BPIFC: variants seen among roughly 807,000 people sequenced by gnomAD.
BPIFC encodes BPI fold-containing family C protein.
In BPIFC, 60 loss-of-function variants were observed where a neutral mutation model predicts 57.6. The ratio of observed to expected loss-of-function variants is 1.04; its 90% CI spans 0.85 to 1.29. BPIFC has a LOEUF of 1.29. Among genes scored for constraint, BPIFC ranks in the 50% most tolerant of loss-of-function variants. The pLI is 0.00. For synonymous variants in BPIFC, 243 were observed against 224.5 expected, an observed-to-expected ratio of 1.08 and a Z score of -0.74; for missense variants, 581 against 600.5, an observed-to-expected ratio of 0.97 and a Z score of 0.34.
At chr22:32,449,685 T>C (rs1273482413) in intron 4 of BPIFC, among the ~76,000 whole-genome samples, 1 of 152,142 alleles carries the variant, frequency 6.6e-6, no homozygotes, top group Non-Finnish European at 1.5e-5. Context: ...CTGTATTATA[T>C]ACAATGTCAC....
At chr22:32,433,609 A>G in intron 11 of BPIFC, 110 bp downstream of exon 11, 1 of 933,566 alleles carries the variant, frequency 1.1e-6, no homozygotes, top group Non-Finnish European at 1.7e-6. Context: ...AACTCCCAAT[A>G]ATAGACAGAG....
intron 11 of BPIFC, among the ~76,000 whole-genome samples, chr22:32,432,794 C>T (rs1225697311): frequency 2.6e-5 from 4 of 152,134 alleles, no homozygotes; most frequent in African/African-American, 9.7e-5. Flanking sequence ...TTCAGAAAAT[C>T]CCTGTGAGGC....
rs1933606653 is a variant in BPIFC, at chr22:32,414,318, C to T, written c.1509G>A (p.Gly503=). Residue 503 remains glycine, a synonymous_variant, in exon 17 of 17, where the codon GGG becomes GGA. Transcript: ENST00000300399. The part of the protein sequence containing the change: ...GLNLISRQWR[G]KSAP ...AAACCGGCAATCAAGGGGCTGACTTCCCCCTCCACTGTCTGCTTATCAGGT... is the reference window on the plus strand; with the variant it reads ...AAACCGGCAATCAAGGGGCTGACTTTCCCCTCCACTGTCTGCTTATCAGGT... The T allele has an allele frequency of 1.2e-6, 2 of 1,613,506 alleles. No homozygotes were observed. The highest frequency in any genetic ancestry group is 8.5e-7 in the Non-Finnish European group (1 of 1,179,718).
intron 5 of BPIFC, 73 bp downstream of exon 5, chr22:32,447,139 G>C: frequency 4.9e-6 from 7 of 1,431,222 alleles, no homozygotes; most frequent in East Asian, 2.5e-5. Context: ...AAAAACATTG[G>C]TGAATTTCTA....
intron 15 of BPIFC, 67 bp downstream of exon 15, chr22:32,417,018 T>C (rs546232238): frequency 1.6e-6 from 2 of 1,285,290 alleles, no homozygotes; most frequent in South Asian, 2.4e-5. Context: ...CAATCCCCAG[T>C]GCAGCCGATG....
rs79223206 is a variant in BPIFC at position 32,447,337 on chromosome 22, T to A, written c.249A>T (p.Ile83=). 8.1e-6 allele frequency: 13 copies of A among 1,612,106 alleles called. No homozygotes were observed. The highest frequency in any genetic ancestry group is 1.1e-5 in the Non-Finnish European group (13 of 1,179,440). The stretch of plus-strand genomic sequence containing the variant: ...TTGGAAATGAAAAGGCACTGATTTT[T>A]ATACTGTAAAACCAGAAACAAGAAG... The part of the protein sequence containing the change: ...VDYVNYNFSN[I]KISAFSFPNT... Residue 83 remains isoleucine, a synonymous_variant, in exon 5 of 17, where the codon ATA becomes ATT. Coordinates refer to ENST00000300399, the MANE Select transcript of BPIFC (RefSeq NM_174932.3).
intron 8 of BPIFC, among the ~76,000 whole-genome samples, chr22:32,438,351 C>T (rs1934469382): frequency 6.6e-6 from 1 of 152,192 alleles, no homozygotes; most frequent in South Asian, 2.1e-4. Context: ...TTTAGGTATA[C>T]ACACATACAA....
chr22:32,442,990 C>T (rs563897961), intron 7 of BPIFC, among the ~76,000 whole-genome samples: 102 of 152,218 alleles, frequency 6.7e-4, no homozygotes, highest in African/African-American at 2.3e-3. Flanking sequence ...TGAGTGAGCC[C>T]TTGTCGTTTC....
At position 32,433,730 on chromosome 22, in the gene BPIFC, C is replaced by CGT; in HGVS notation, c.965_966dup (p.Val323ThrfsTer18). On this transcript the variant is annotated frameshift_variant, in exon 11 of 17. Transcript: ENST00000300399. LOFTEE classifies it high-confidence loss of function. ...CCCTGAGCACTTACCCGGGAGAGCA[C>CGT]GTTGCCAAGGCCTTGAGAGTTTTGA... 1 of 1,613,852 alleles carries CGT rather than the reference C, an allele frequency of 6.2e-7. No individual in the cohort carries two copies. Among genetic ancestry groups the CGT allele is most frequent in the Admixed American group, 1.7e-5 (1 of 60,008 alleles).
chr22:32,456,078 A>C (rs981643978), intron 3 of BPIFC, among the ~76,000 whole-genome samples: 1 of 152,248 alleles, frequency 6.6e-6, no homozygotes, highest in African/African-American at 2.4e-5. Context: ...ATTTACAGCC[A>C]TGTGGATAGA....
In BPIFC at chr22:32,448,074, C is replaced by CT. The variant is rs752136687; in HGVS notation, c.246-735dup. Among the ~76,000 whole-genome samples, 572 of 143,016 alleles carry CT rather than the reference C, an allele frequency of 4.0e-3. 7 individuals are homozygous for CT. In the South Asian group the frequency reaches 0.042, roughly 10 times the overall value. 93.8% of individuals were successfully genotyped at this position (143,016 alleles called of 152,430 possible). A position where few individuals can be genotyped will look rare whatever the true frequency, so the allele number is the denominator to read the frequency against. ...GGCCCAGCTATTTTTTTTCTTTTTTCTTTTTTTTTTTTGAGACAGAGTCTC... is the reference window on the plus strand; with the variant it reads ...GGCCCAGCTATTTTTTTTCTTTTTTCTTTTTTTTTTTTTGAGACAGAGTCTC... On this transcript the variant is annotated intron_variant, in intron 4 of 16. Coordinates refer to ENST00000300399, the MANE Select transcript of BPIFC (RefSeq NM_174932.3).
At chr22:32,436,001 G>T in intron 9 of BPIFC, 121 bp from the exon 10 acceptor site, 1 of 1,104,744 alleles carries the variant, frequency 9.1e-7, no homozygotes, top group Non-Finnish European at 1.3e-6. Flanking sequence ...CAGGTGTGGT[G>T]GCTCACGCCT....
intron 7 of BPIFC, among the ~76,000 whole-genome samples, chr22:32,444,194 G>A (rs1374951916): frequency 1.3e-5 from 2 of 152,288 alleles, no homozygotes; most frequent in Non-Finnish European, 1.5e-5. Flanking sequence ...GTTTCAAACA[G>A]GGGAATGATC....
At chr22:32,427,040 C>T (rs1017032118) in intron 13 of BPIFC, among the ~76,000 whole-genome samples, 6 of 152,266 alleles carry the variant, frequency 3.9e-5, no homozygotes, top group Middle Eastern at 3.4e-3. Context: ...GTCTGCCCAG[C>T]GGAGAATTTC....
rs752375648 is a variant in BPIFC, at chr22:32,417,130, T to C, written c.1279A>G (p.Ile427Val). The C allele has an allele frequency of 1.2e-6, 2 of 1,606,248 alleles. No homozygotes were observed. The highest frequency in any genetic ancestry group is 1.7e-6 in the Non-Finnish European group (2 of 1,173,636). The change falls in exon 15 of 17, where the codon ATT becomes GTT. Residue 427 changes from isoleucine to valine, a missense_variant. Coordinates refer to ENST00000300399, the MANE Select transcript of BPIFC (RefSeq NM_174932.3). ...CCAAAGTGAAGAATGGACGATAGAA[T>C]ATTTTCAAACCTCAAGACCTAAAAT... ...SNIEVLRFEN[I>V]LSSILHFGVL...
In BPIFC at chr22:32,424,603, C is replaced by CTTCTTCTTCTTCTTCTTCTTCTTCTT. The variant is rs1556036435; in HGVS notation, c.1218-5200_1218-5199insAAGAAGAAGAAGAAGAAGAAGAAGAA. Among the ~76,000 whole-genome samples, 32 of 39,008 alleles carry CTTCTTCTTCTTCTTCTTCTTCTTCTT rather than the reference C, an allele frequency of 8.2e-4. 6 individuals are homozygous for CTTCTTCTTCTTCTTCTTCTTCTTCTT. The highest frequency in any genetic ancestry group is 1.3e-3 in the African/African-American group (9 of 6,762). The allele number at this position is 39,008 out of a possible 152,430, so 25.6% of individuals were successfully genotyped here. ...TTCTTCTTCTTCTTCTTCTTCTTCT[C>CTTCTTCTTCTTCTTCTTCTTCTTCTT]CTCCTCCTCCTCCTCCTCCTCCTCC... On this transcript the variant is annotated intron_variant, in intron 13 of 16. Transcript: ENST00000300399.
At chr22:32,440,496 G>GTCTC (rs1237207529) in intron 8 of BPIFC, among the ~76,000 whole-genome samples, 1 of 152,142 alleles carries the variant, frequency 6.6e-6, no homozygotes, top group Non-Finnish European at 1.5e-5. Context: ...ACAGCGGTGA[G>GTCTC]TCAAAGTTCC....
intron 2 of BPIFC, among the ~76,000 whole-genome samples, 173 bp from the exon 3 acceptor site, chr22:32,457,559 G>GTCCA (rs71320927): frequency 0.055 from 8,146 of 148,848 alleles, 397 homozygotes; most frequent in African/African-American, 0.13. Flanking sequence ...CCATCCATCC[G>GTCCA]TCCATCCATC....
At chr22:32,422,010 G>A (rs944512231) in intron 13 of BPIFC, among the ~76,000 whole-genome samples, 4 of 151,996 alleles carry the variant, frequency 2.6e-5, no homozygotes, top group African/African-American at 9.7e-5. Context: ...GGTTGCAAAA[G>A]CCCCACGGAG....
Sources: gnomAD v4.1 joint callset for allele counts (sites outside exome capture counted in the v4.1 genomes callset) on GRCh38, gnomAD v4.1.1 for gene constraint, MANE v1.5 for transcripts, NCBI Gene and HGNC (gene_info 2026-07-23, HGNC 2026-07-21) for gene names.